SEC14L5: variants seen among roughly 807,000 people sequenced by gnomAD.
SEC14L5 encodes the protein SEC14 like lipid binding 5.
In SEC14L5, 96 loss-of-function variants were observed where a neutral mutation model predicts 84.6. That is an observed-to-expected ratio of 1.13 (90% CI 0.96 to 1.34). The LOEUF (loss-of-function observed/expected upper bound fraction) is 1.34. SEC14L5 is among the 40% of genes most tolerant of loss of function. The pLI is 0.00. For missense variants in SEC14L5, 1,224 were observed against 942.5 expected (o/e 1.30, Z -3.91); for synonymous variants, 546 against 383.4 (o/e 1.42, Z -4.95).
Position 5,016,645 on chromosome 16 carries a change from C to T in SEC14L5, c.*1675C>T, listed in dbSNP as rs1174772952. 1 of 152,188 alleles carries T rather than the reference C, an allele frequency of 6.6e-6. No individual in the cohort carries two copies. The highest frequency in any genetic ancestry group is 1.5e-5 in the Non-Finnish European group (1 of 68,042). 9.4% of individuals were successfully genotyped at this position (152,188 alleles called of 1,614,324 possible). A position where few individuals can be genotyped will look rare whatever the true frequency, so the allele number is the denominator to read the frequency against. On this transcript the variant is annotated 3_prime_UTR_variant, in exon 16 of 16. Coordinates refer to ENST00000251170, the MANE Select transcript of SEC14L5 (RefSeq NM_014692.2). The stretch of plus-strand genomic sequence containing the variant: ...GGCCTTGCTTAGAGTTGGGGCTCAT[C>T]TCTGCTGCAGTAACTGAGCCAAGGG...
At chr16:4,980,300 C>G (rs146632847) in intron 2 of SEC14L5, among the ~76,000 whole-genome samples, 2 of 152,220 alleles carry the variant, frequency 1.3e-5, no homozygotes, top group Admixed American at 1.3e-4. Flanking sequence ...AATGTCCCCC[C>G]GAAACATGTG....
intron 11 of SEC14L5, among the ~76,000 whole-genome samples, chr16:5,005,245 G>T (rs373407830): frequency 2.0e-5 from 3 of 152,120 alleles, no homozygotes; most frequent in African/African-American, 4.8e-5. Context: ...AACCTGGGAG[G>T]TGCAGCTTGC....
Position 5,007,469 on chromosome 16 carries a change from C to G in SEC14L5, c.1555C>G (p.Arg519Gly). 1 of 1,613,504 alleles carries G rather than the reference C, an allele frequency of 6.2e-7. No individual in the cohort carries two copies. ...SETYHSASVL[R>G]GAPHEVAVEI... ...GACCTACCATTCAGCCAGCGTGCTC[C>G]GCGGAGCCCCCCACGAGGTGCCAGG... Residue 519 changes from arginine (R) to glycine (G), a missense_variant, in exon 13 of 16, where the codon CGC becomes GGC. By Grantham distance (125) the Arg-to-Gly change is moderately radical. Transcript: ENST00000251170.
At chr16:4,976,153 A>G (rs1257839145) in intron 2 of SEC14L5, among the ~76,000 whole-genome samples, 2 of 152,218 alleles carry the variant, frequency 1.3e-5, no homozygotes, top group African/African-American at 4.8e-5. Flanking sequence ...GCACTGCTCT[A>G]AGCACATTGC....
chr16:4,996,886 T>C lies in SEC14L5; in HGVS notation c.812T>C (p.Leu271Pro). 1 of 1,613,594 alleles carries C rather than the reference T, an allele frequency of 6.2e-7. No homozygotes were observed. Among genetic ancestry groups the C allele is most frequent in the Non-Finnish European group, 8.5e-7 (1 of 1,179,728 alleles). Reference protein sequence around the residue: ...IPKDEHILRFLRAHDFHLDKA... With the variant: ...IPKDEHILRFPRAHDFHLDKA... ...AAAGATGAGCACATCCTTCGGTTCC[T>C]GCGGGCTCATGACTTCCACCTGGAC... is the stretch of plus-strand genomic sequence containing the variant. Residue 271 changes from leucine to proline, a missense_variant, in exon 8 of 16, where the codon CTG becomes CCG. Transcript: ENST00000251170.
At chr16:4,971,450 C>T (rs546795928) in intron 2 of SEC14L5, among the ~76,000 whole-genome samples, 1 of 152,272 alleles carries the variant, frequency 6.6e-6, no homozygotes, top group East Asian at 1.9e-4. Flanking sequence ...TAAAGCAAGA[C>T]CTTGTCTCAA....
intron 8 of SEC14L5, among the ~76,000 whole-genome samples, chr16:4,998,737 CAAAAAAAAAAA>C (rs60494025): frequency 1.1e-5 from 1 of 94,036 alleles, no homozygotes; most frequent in Non-Finnish European, 2.0e-5. Context: ...GACTCCGTCT[CAAAAAAAAAAA>C]AAAAAAAAAA....
rs747864316 is a variant in SEC14L5, at chr16:5,003,574, G to C, written c.1302+1G>C. 3 of 1,291,230 alleles carry C rather than the reference G, an allele frequency of 2.3e-6. No individual in the cohort carries two copies. Among genetic ancestry groups the C allele is most frequent in the African/African-American group, 1.6e-5 (1 of 61,148 alleles). 80.0% of individuals were successfully genotyped at this position (1,291,230 alleles called of 1,614,324 possible). A position where few individuals can be genotyped will look rare whatever the true frequency, so the allele number is the denominator to read the frequency against. On this transcript the variant is annotated splice_donor_variant, in intron 11 of 15. Transcript: ENST00000251170. LOFTEE classifies it high-confidence loss of function. Reference sequence around the variant, plus strand: ...AGTCTTCCCCGTGCTCTGGACACTGGTAAGAGCTGGAGCCTGGGCCAGGAC... The same window carrying C: ...AGTCTTCCCCGTGCTCTGGACACTGCTAAGAGCTGGAGCCTGGGCCAGGAC...
At position 5,003,431 on chromosome 16, in the gene SEC14L5, G is replaced by C. The variant is rs758128352; in HGVS notation, c.1160G>C (p.Gly387Ala). Residue 387 changes from glycine (G) to alanine (A), a missense_variant, in exon 11 of 16, where the codon GGA becomes GCA. Transcript: ENST00000251170. ...SSWTCLLDLE[G>A]LNMRHLWRPG... ...TGGACCTGCCTGCTAGACCTGGAGG[G>C]ACTCAACATGCGGCACCTGTGGCGG... 1.2e-6 allele frequency: 2 copies of C among 1,613,298 alleles called. No individual in the cohort carries two copies. Among genetic ancestry groups the C allele is most frequent in the African/African-American group, 2.7e-5 (2 of 74,932 alleles).
At chr16:4,991,152 T>A (rs1430134904) in intron 5 of SEC14L5, among the ~76,000 whole-genome samples, 2 of 148,944 alleles carry the variant, frequency 1.3e-5, no homozygotes, top group Non-Finnish European at 3.0e-5. Flanking sequence ...CAACAGATAA[T>A]TCTGTGGTGC....
At chr16:4,986,831 T>C (rs1955492863) in intron 2 of SEC14L5, among the ~76,000 whole-genome samples, 2 of 152,220 alleles carry the variant, frequency 1.3e-5, no homozygotes, top group South Asian at 4.1e-4. Flanking sequence ...AGTTTGCTCA[T>C]TGTTAGTACA....
chr16:4,989,680 C>T (rs1213737531), intron 4 of SEC14L5, among the ~76,000 whole-genome samples: 1 of 152,202 alleles, frequency 6.6e-6, no homozygotes, highest in Non-Finnish European at 1.5e-5. Context: ...TCCAACTCCT[C>T]TTGGGTCCTC....
chr16:5,006,745 A>G (rs1471363656), intron 12 of SEC14L5, among the ~76,000 whole-genome samples: 1 of 152,166 alleles, frequency 6.6e-6, no homozygotes, highest in African/African-American at 2.4e-5. Context: ...CACACGACTT[A>G]TTTTTAGCAA....
In SEC14L5 at chr16:4,990,361, C is replaced by T. The variant is rs186201913; in HGVS notation, c.346-406C>T. ...GATTTTTAGTAGAGATGGAGTTTCA[C>T]CATGTTGGCCAGGCTCGTCTCCAAG... On this transcript the variant is annotated intron_variant, in intron 4 of 15. Transcript: ENST00000251170. Among the ~76,000 whole-genome samples the T allele has an allele frequency of 8.5e-5, 13 of 152,322 alleles. No individual in the cohort carries two copies. The East Asian group carries it at 2.5e-3, about 29-fold the overall frequency.
intron 11 of SEC14L5, among the ~76,000 whole-genome samples, chr16:5,003,918 G>C (rs1056533809): frequency 6.6e-6 from 1 of 152,178 alleles, no homozygotes; most frequent in African/African-American, 2.4e-5. Flanking sequence ...GAGCCACTGC[G>C]CCTGACCTGA....
chr16:5,016,718 A>G lies in SEC14L5; in HGVS notation c.*1748A>G, dbSNP rs1955878612. 1 of 152,212 alleles carries G rather than the reference A, an allele frequency of 6.6e-6. No homozygotes were observed. The highest frequency in any genetic ancestry group is 1.5e-5 in the Non-Finnish European group (1 of 68,042). The allele number at this position is 152,212 out of a possible 1,614,324, so 9.4% of individuals were successfully genotyped here. The stretch of plus-strand genomic sequence containing the variant: ...CATCTTTATGCAGGCTCAGCAATGC[A>G]GGGCCAGGAAACTTATATCTACGCC... On this transcript the variant is annotated 3_prime_UTR_variant, in exon 16 of 16. Coordinates refer to ENST00000251170, the MANE Select transcript of SEC14L5 (RefSeq NM_014692.2).
rs1446043722 is a variant in SEC14L5, at chr16:4,991,903, C to T, written c.540C>T (p.Arg180=). The T allele has an allele frequency of 1.2e-6, 2 of 1,608,774 alleles. No individual in the cohort carries two copies. The highest frequency in any genetic ancestry group is 4.5e-5 in the East Asian group (2 of 44,808). Residue 180 remains arginine, a synonymous_variant, in exon 6 of 16, where the codon CGC becomes CGT. Coordinates refer to ENST00000251170, the MANE Select transcript of SEC14L5 (RefSeq NM_014692.2). ...CCCAGGGTACCTCGCACATTCCGCGCTGGACGCCTGCCCCAGTCCGTGAGG... is the reference window on the plus strand; with the variant it reads ...CCCAGGGTACCTCGCACATTCCGCGTTGGACGCCTGCCCCAGTCCGTGAGG... The part of the protein sequence containing the change: ...LISQGTSHIP[R]WTPAPVREED...
At chr16:4,988,066 G>C in intron 3 of SEC14L5, 83 bp from the exon 4 acceptor site, 2 of 1,480,910 alleles carry the variant, frequency 1.4e-6, no homozygotes, top group Non-Finnish European at 1.9e-6. Context: ...GGGTGACTGG[G>C]GCAGGCCCGC....
intron 2 of SEC14L5, among the ~76,000 whole-genome samples, chr16:4,980,036 A>G (rs1955401611): frequency 6.6e-6 from 1 of 152,194 alleles, no homozygotes; most frequent in Admixed American, 6.5e-5. Flanking sequence ...TGGGTCAGAC[A>G]GGCTCATGCG....
Sources: allele counts gnomAD v4.1 joint callset (sites outside exome capture counted in the v4.1 genomes callset), GRCh38; gene constraint gnomAD v4.1.1; transcripts MANE v1.5; gene names NCBI Gene and HGNC (gene_info 2026-07-23, HGNC 2026-07-21).